Variants in PDE8B observed in about 807,000 individuals in gnomAD.
The protein encoded by PDE8B is high affinity cAMP-specific and IBMX-insensitive 3',5'-cyclic phosphodiesterase 8B.
PDE8B carries 26 observed loss-of-function variants against 101.3 expected under a neutral mutation model. The ratio of observed to expected loss-of-function variants is 0.26; its 90% CI spans 0.19 to 0.36. PDE8B has a LOEUF of 0.36. Ranked by LOEUF, PDE8B falls within the 10% of genes least tolerant of loss-of-function variation. The pLI, the probability that PDE8B is intolerant of heterozygous loss-of-function variation, is 1.00. For missense variants in PDE8B, 810 were observed against 1,163.1 expected (o/e 0.70, Z 4.42); for synonymous variants, 424 against 429.3 (o/e 0.99, Z 0.15).
rs764114972 is a variant in PDE8B, at chr5:77,372,028, C to T, written c.1167+18622C>T. Among the ~76,000 whole-genome samples the T allele has an allele frequency of 1.1e-4, 17 of 152,172 alleles. 1 individual carries two copies. The highest frequency in any genetic ancestry group is 2.4e-4 in the Non-Finnish European group (16 of 68,002). ...CCAGCCTAGCAACATGGCAAAACCC[C>T]GTCTCTACTAAAAATACAAAAATTA... On this transcript the variant is annotated intron_variant, in intron 10 of 21. Transcript: ENST00000264917.
At chr5:77,411,766 C>T (rs1486167334) in intron 15 of PDE8B, 45 bp downstream of exon 15, 1 of 1,393,444 alleles carries the variant, frequency 7.2e-7, no homozygotes, top group South Asian at 1.2e-5. Flanking sequence ...TGTCTCCAGC[C>T]TGTGCTGTCC....
At chr5:77,273,811 T>A (rs749255884) in intron 1 of PDE8B, among the ~76,000 whole-genome samples, 35 of 151,954 alleles carry the variant, frequency 2.3e-4, no homozygotes, top group African/African-American at 3.6e-4. Flanking sequence ...GTTTTTTTTT[T>A]ATTTATTTTT....
intron 6 of PDE8B, among the ~76,000 whole-genome samples, chr5:77,341,464 T>C (rs1026549866): frequency 1.3e-5 from 2 of 152,208 alleles, no homozygotes; most frequent in African/African-American, 4.8e-5. Flanking sequence ...TTGATGAAAA[T>C]GATAATAGTC....
chr5:77,348,828 G>T (rs1159676484), intron 7 of PDE8B, among the ~76,000 whole-genome samples: 1 of 152,094 alleles, frequency 6.6e-6, no homozygotes, highest in Non-Finnish European at 1.5e-5. Flanking sequence ...GACTACAGGT[G>T]TGTGCCACAA....
At chr5:77,348,745 C>T (rs1299902450) in intron 7 of PDE8B, among the ~76,000 whole-genome samples, 5 of 152,136 alleles carry the variant, frequency 3.3e-5, no homozygotes, top group Non-Finnish European at 1.5e-5. Context: ...TGCAACGGTG[C>T]AATCATAGCT....
intron 9 of PDE8B, 72 bp downstream of exon 9, chr5:77,351,225 A>G (rs979072194): frequency 1.9e-5 from 21 of 1,088,540 alleles, no homozygotes; most frequent in African/African-American, 3.1e-5. Flanking sequence ...TGGGCTTGAA[A>G]TGCCAGTATG....
intron 2 of PDE8B, among the ~76,000 whole-genome samples, chr5:77,313,390 T>C (rs1773118777): frequency 6.6e-6 from 1 of 152,152 alleles, no homozygotes; most frequent in African/African-American, 2.4e-5. Context: ...GCCACAACTA[T>C]TTGTATAGAA....
chr5:77,114,698 G>A, the PDE8B span: 3 of 152,194 alleles, frequency 2.0e-5, no homozygotes, highest in Non-Finnish European at 1.5e-5. Context: ...ATCTATAATA[G>A]ACGAGAGGAA....
At chr5:77,426,365 G>T in intron 21 of PDE8B, 80 bp from the exon 22 acceptor site, 2 of 895,160 alleles carry the variant, frequency 2.2e-6, no homozygotes, top group Non-Finnish European at 3.7e-6. Context: ...TCCCAAACTT[G>T]TCCCAGACAC....
intron 1 of PDE8B, among the ~76,000 whole-genome samples, chr5:77,302,175 T>C (rs183970918): frequency 4.4e-4 from 67 of 152,324 alleles, no homozygotes; most frequent in African/African-American, 1.5e-3. Flanking sequence ...TTAGATCTGA[T>C]GGCATCTGCA....
chr5:77,371,038 A>G (rs565670518), intron 10 of PDE8B, among the ~76,000 whole-genome samples: 12 of 152,334 alleles, frequency 7.9e-5, no homozygotes, highest in Non-Finnish European at 1.5e-4. Context: ...TGAATACATC[A>G]GTCTATTACT....
chr5:77,302,294 C>T (rs763023041), intron 1 of PDE8B, among the ~76,000 whole-genome samples: 1 of 152,190 alleles, frequency 6.6e-6, no homozygotes, highest in East Asian at 1.9e-4. Flanking sequence ...TGTAGCATCC[C>T]CCCTCCACTG....
intron 12 of PDE8B, among the ~76,000 whole-genome samples, 191 bp from the exon 13 acceptor site, chr5:77,407,190 C>A (rs976265244): frequency 6.6e-6 from 1 of 152,186 alleles, no homozygotes; most frequent in African/African-American, 2.4e-5. Context: ...CAGGCCAGAT[C>A]GCCTTTCCAG....
chr5:77,177,452 A>T, the PDE8B span, among the ~76,000 whole-genome samples: 1 of 112,106 alleles, frequency 8.9e-6, no homozygotes, highest in African/African-American at 3.9e-5. Flanking sequence ...ATAACAATAG[A>T]CTGTAATAAA....
chr5:77,177,789 A>G, the PDE8B span, among the ~76,000 whole-genome samples: 3 of 152,222 alleles, frequency 2.0e-5, no homozygotes, highest in Non-Finnish European at 4.4e-5. Flanking sequence ...GACACTAGAC[A>G]AAGGGACGAT....
At chr5:77,290,018 A>T (rs1258235834) in intron 1 of PDE8B, among the ~76,000 whole-genome samples, 1 of 152,212 alleles carries the variant, frequency 6.6e-6, no homozygotes, top group Non-Finnish European at 1.5e-5. Flanking sequence ...AATGAATGAG[A>T]GATTATCATC....
the PDE8B span, among the ~76,000 whole-genome samples, chr5:77,155,325 G>A: frequency 2.0e-5 from 3 of 152,264 alleles, no homozygotes; most frequent in South Asian, 6.2e-4. Flanking sequence ...AGGCAGGTCC[G>A]CCCCATAGGC....
At chr5:77,221,911 A>C (rs545741951) in intron 1 of PDE8B, among the ~76,000 whole-genome samples, 2 of 152,170 alleles carry the variant, frequency 1.3e-5, no homozygotes, top group African/African-American at 2.4e-5. Context: ...TTCGAAACTC[A>C]TTGTTTGTAG....
chr5:77,121,940 GTCT>G, the PDE8B span, among the ~76,000 whole-genome samples: 1 of 152,316 alleles, frequency 6.6e-6, no homozygotes, highest in African/African-American at 2.4e-5. Flanking sequence ...TCTGCCCAGA[GTCT>G]TCTTCTAGAG....
Sources: gnomAD v4.1 joint callset for allele counts (sites outside exome capture counted in the v4.1 genomes callset) on GRCh38, gnomAD v4.1.1 for gene constraint, MANE v1.5 for transcripts, NCBI Gene and HGNC (gene_info 2026-07-23, HGNC 2026-07-21) for gene names.